Variants in RIC3 observed in about 807,000 individuals in gnomAD.
RIC3 encodes RIC3 acetylcholine receptor chaperone, also known as protein RIC-3.
A neutral mutation model predicts 27.3 loss-of-function variants in RIC3; 28 were observed. The observed-to-expected ratio is 1.02, with a 90% CI of 0.76 to 1.41. RIC3 has a LOEUF of 1.41. Among genes scored for constraint, RIC3 ranks in the 40% most tolerant of loss-of-function variants. The probability of loss-of-function intolerance (pLI) is 0.00; values close to 1 mark genes in which losing one functional copy is unlikely to be tolerated. For synonymous variants in RIC3, 184 were observed against 160.4 expected (o/e 1.15, Z -1.11); for missense variants, 501 against 444.7 (o/e 1.13, Z -1.14).
rs138336586 is a variant in RIC3 at position 8,127,686 on chromosome 11, T to A, written c.522-879A>T. 1.4e-4 allele frequency among the ~76,000 whole-genome samples: 21 copies of A among 152,354 alleles called. 1 individual carries two copies. In the East Asian group the frequency reaches 4.0e-3, roughly 29 times the overall value. Reference sequence around the variant, plus strand: ...TAACTATCTGCTTTGAGACCAGTTTTATCTAGCAGCAGGATTTAATGGAGG... The same window carrying A: ...TAACTATCTGCTTTGAGACCAGTTTAATCTAGCAGCAGGATTTAATGGAGG... On this transcript the variant is annotated intron_variant, in intron 4 of 5. Transcript: ENST00000309737.
At chr11:8,167,979 C>T (rs542060805) in intron 1 of RIC3, among the ~76,000 whole-genome samples, 2 of 152,166 alleles carry the variant, frequency 1.3e-5, no homozygotes, top group African/African-American at 2.4e-5. Context: ...ATAAAGCAGA[C>T]GGAAGTGGAT....
At chr11:8,115,106 A>G (rs746138111) in intron 5 of RIC3, among the ~76,000 whole-genome samples, 2 of 152,172 alleles carry the variant, frequency 1.3e-5, no homozygotes, top group African/African-American at 2.4e-5. Context: ...AAAGTCTCCA[A>G]TCAGACTGAA....
rs1335761006 is a variant in RIC3, at chr11:8,107,998, A to C, written c.*2700T>G. The stretch of plus-strand genomic sequence containing the variant: ...ATATAACTGTCATCCCCGAAGGATA[A>C]AATAATTCTGGAAAATCCAAAAAGA... On this transcript the variant is annotated 3_prime_UTR_variant, in exon 6 of 6. Transcript: ENST00000309737. The C allele has an allele frequency of 1.3e-5, 2 of 152,242 alleles. No individual in the cohort carries two copies. The highest frequency in any genetic ancestry group is 2.9e-5 in the Non-Finnish European group (2 of 68,046). 9.4% of individuals were successfully genotyped at this position (152,242 alleles called of 1,614,324 possible).
chr11:8,163,439 G>C (rs1951379680), intron 1 of RIC3, among the ~76,000 whole-genome samples: 1 of 151,498 alleles, frequency 6.6e-6, no homozygotes, highest in South Asian at 2.1e-4. Context: ...AGCTAGGGCA[G>C]TTAGGCCAAA....
chr11:8,092,978 T>C, the RIC3 span, among the ~76,000 whole-genome samples: 2 of 152,142 alleles, frequency 1.3e-5, no homozygotes, highest in African/African-American at 4.8e-5. Flanking sequence ...AGTTCTTAAA[T>C]ATTTATTGAG....
At position 8,111,143 on chromosome 11, in the gene RIC3, G is replaced by A. The variant is rs1184634954; in HGVS notation, c.671-6C>T. 4.5e-6 allele frequency: 7 copies of A among 1,555,052 alleles called. No homozygotes were observed. The highest frequency in any genetic ancestry group is 1.4e-5 in the African/African-American group (1 of 72,350). ...GTAAGTCTCTTCAGGGTAACCTAGA[G>A]AGAAAAGTAGCACAAAGTATTACAA... On this transcript the variant is annotated splice_region_variant and splice_polypyrimidine_tract_variant and intron_variant, in intron 5 of 5. Coordinates refer to ENST00000309737, the MANE Select transcript of RIC3 (RefSeq NM_001206671.4).
At position 8,137,385 on chromosome 11, in the gene RIC3, C is replaced by T; in HGVS notation, c.514G>A (p.Gly172Ser). 1 of 1,613,484 alleles carries T rather than the reference C, an allele frequency of 6.2e-7. No individual in the cohort carries two copies. The highest frequency in any genetic ancestry group is 8.5e-7 in the Non-Finnish European group (1 of 1,179,500). The change falls in exon 4 of 6, where the codon GGT becomes AGT. Residue 172 changes from glycine (G) to serine (S), a missense_variant. By Grantham distance (56) the Gly-to-Ser change is moderately conservative. Coordinates refer to ENST00000309737, the MANE Select transcript of RIC3 (RefSeq NM_001206671.4). ...EKLINRVGPNGESRAQTVTSD... is the reference protein window; with the variant it reads ...EKLINRVGPNSESRAQTVTSD... The stretch of plus-strand genomic sequence containing the variant: ...CGTTACATGAAAACCTACCTCTCAC[C>T]ATTAGGTCCCACTCTGTTGATTAAT...
chr11:8,139,788 T>C (rs1948836723), intron 2 of RIC3, 179 bp downstream of exon 2: 2 of 622,518 alleles, frequency 3.2e-6, no homozygotes, highest in South Asian at 4.4e-5. Context: ...AGTAAACATT[T>C]CTTATGTGAA....
the RIC3 span, among the ~76,000 whole-genome samples, chr11:8,093,025 C>T: frequency 6.6e-6 from 1 of 152,080 alleles, no homozygotes; most frequent in Non-Finnish European, 1.5e-5. Context: ...CTGTAGGTCC[C>T]AAGTGAGCAC....
the RIC3 span, chr11:8,097,464 A>G: frequency 6.2e-7 from 1 of 1,613,032 alleles, no homozygotes. Context: ...TAGGCTTTAC[A>G]GCCCTTTGAA....
intron 4 of RIC3, among the ~76,000 whole-genome samples, chr11:8,127,990 C>T (rs1947192240): frequency 6.6e-6 from 1 of 152,222 alleles, no homozygotes; most frequent in Non-Finnish European, 1.5e-5. Flanking sequence ...ACGAGCTCCA[C>T]TTCTTCCACA....
rs1015492288 is a variant in RIC3 at position 8,137,276 on chromosome 11, G to C, written c.521+102C>G. On this transcript the variant is annotated intron_variant, in intron 4 of 5. Transcript: ENST00000309737. ...TGACCTCAGATGATCCACCCACCTC[G>C]GCCTCCCAAAGTGCTGGGATTAGAG... The C allele has an allele frequency of 3.8e-5, 35 of 922,360 alleles. No individual in the cohort carries two copies. In the African/African-American group the frequency reaches 4.9e-4, roughly 13 times the overall value. 57.1% of individuals were successfully genotyped at this position (922,360 alleles called of 1,614,324 possible).
At chr11:8,101,385 C>A (rs73409635), downstream of RIC3, 92,510 of 1,449,784 alleles carry the variant, frequency 0.064, 3,275 homozygotes, top group Middle Eastern at 0.086. Context: ...CTGCTTCTCA[C>A]TTGTTCTTCC....
Position 8,145,171 on chromosome 11 carries a change from A to C in RIC3, c.125-4978T>G, listed in dbSNP as rs541500808. Among the ~76,000 whole-genome samples, 664 of 144,188 alleles carry C rather than the reference A, an allele frequency of 4.6e-3. 4 individuals carry two copies. Among genetic ancestry groups the C allele is most frequent in the African/African-American group, 0.017 (637 of 37,198 alleles). 94.6% of individuals were successfully genotyped at this position (144,188 alleles called of 152,430 possible). ...AATGTGCACATGTACCCTAAAACTT[A>C]AAGTATAATAAAAAAAAATTAAAAA... is the stretch of plus-strand genomic sequence containing the variant. On this transcript the variant is annotated intron_variant, in intron 1 of 5. Transcript: ENST00000309737.
At chr11:8,160,993 G>T (rs1951111736) in intron 1 of RIC3, among the ~76,000 whole-genome samples, 1 of 152,210 alleles carries the variant, frequency 6.6e-6, no homozygotes, top group Admixed American at 6.5e-5. Flanking sequence ...GACACGCCCA[G>T]GAGAGAGGTC....
the RIC3 span, among the ~76,000 whole-genome samples, chr11:8,093,641 G>C: frequency 6.6e-6 from 1 of 152,154 alleles, no homozygotes; most frequent in Non-Finnish European, 1.5e-5. Context: ...TGCTTGCCCT[G>C]GTTGTGGTCT....
At chr11:8,146,184 G>A (rs532778144) in intron 1 of RIC3, among the ~76,000 whole-genome samples, 3 of 152,224 alleles carry the variant, frequency 2.0e-5, no homozygotes, top group Non-Finnish European at 4.4e-5. Context: ...TCAAAATGGA[G>A]TGAATACTAA....
chr11:8,161,134 T>C (rs1418711861), intron 1 of RIC3, among the ~76,000 whole-genome samples: 2 of 152,194 alleles, frequency 1.3e-5, no homozygotes, highest in Non-Finnish European at 2.9e-5. Flanking sequence ...TAGTCAATTA[T>C]GTATTCATCT....
intron 1 of RIC3, among the ~76,000 whole-genome samples, chr11:8,166,779 G>A (rs1454184981): frequency 6.6e-6 from 1 of 152,120 alleles, no homozygotes. Context: ...TTACTTGGGA[G>A]GCTGAGGTGG....
Sources: allele counts gnomAD v4.1 joint callset (sites outside exome capture counted in the v4.1 genomes callset), GRCh38; gene constraint gnomAD v4.1.1; transcripts MANE v1.5; gene names NCBI Gene and HGNC (gene_info 2026-07-23, HGNC 2026-07-21).